Variants in PPIL3 observed in about 807,000 individuals in gnomAD.
PPIL3 encodes peptidyl-prolyl cis-trans isomerase-like 3.
Under a neutral mutation model 20.9 loss-of-function variants are expected in PPIL3, and 13 were observed. That is an observed-to-expected ratio of 0.62 (90% CI 0.40 to 0.99). PPIL3 has a LOEUF of 0.99. Ranked by LOEUF, PPIL3 falls within the 50% of genes least tolerant of loss-of-function variation. The pLI, the probability that PPIL3 is intolerant of heterozygous loss-of-function variation, is 0.00. For synonymous variants in PPIL3, 71 were observed against 64.4 expected (o/e 1.10, Z -0.49); for missense variants, 170 against 195.2 (o/e 0.87, Z 0.77).
At chr2:200,876,630 G>C (rs191508255) in intron 6 of PPIL3, among the ~76,000 whole-genome samples, 2 of 150,394 alleles carry the variant, frequency 1.3e-5, no homozygotes, top group East Asian at 3.9e-4. Flanking sequence ...CAATTCTCCT[G>C]CTTCAGCCTC....
chr2:200,888,342 C>T (rs571355815), intron 1 of PPIL3: 1 of 152,440 alleles, frequency 6.6e-6, no homozygotes, highest in East Asian at 1.9e-4. Flanking sequence ...GACAATCCTA[C>T]ACAGAACTGC....
At chr2:200,877,080 C>T in intron 5 of PPIL3, 43 bp from the exon 6 acceptor site, 1 of 1,275,370 alleles carries the variant, frequency 7.8e-7, no homozygotes, top group Non-Finnish European at 1.1e-6. Context: ...TTTTATATAA[C>T]CATCCCAAAT....
At chr2:200,884,067 A>G (rs527725536) in intron 3 of PPIL3, among the ~76,000 whole-genome samples, 2 of 152,324 alleles carry the variant, frequency 1.3e-5, no homozygotes, top group East Asian at 3.9e-4. Context: ...TAATTGCTGA[A>G]TAAATGAATA....
intron 6 of PPIL3, among the ~76,000 whole-genome samples, chr2:200,875,879 A>C (rs768613749): frequency 6.6e-6 from 1 of 152,186 alleles, no homozygotes; most frequent in Non-Finnish European, 1.5e-5. Context: ...TAATTAAAAA[A>C]GGTGAATCAG....
chr2:200,888,059 A>G (rs1182186978), intron 1 of PPIL3, among the ~76,000 whole-genome samples: 1 of 151,462 alleles, frequency 6.6e-6, no homozygotes, highest in Admixed American at 6.6e-5. Context: ...TCCGTCAAAA[A>G]AAAAAAAAAA....
intron 5 of PPIL3, among the ~76,000 whole-genome samples, chr2:200,879,415 G>A (rs1448081917): frequency 6.6e-6 from 1 of 150,474 alleles, no homozygotes; most frequent in Non-Finnish European, 1.5e-5. Flanking sequence ...CACCGCGCCC[G>A]GCCTATATAA....
At chr2:200,882,283 A>G in intron 4 of PPIL3, 59 bp downstream of exon 4, 1 of 1,091,428 alleles carries the variant, frequency 9.2e-7, no homozygotes, top group Non-Finnish European at 1.4e-6. Flanking sequence ...CTCTTCTTTT[A>G]CCCACTTCTT....
At chr2:200,873,986 A>G (rs1395233092) in intron 6 of PPIL3, among the ~76,000 whole-genome samples, 2 of 151,582 alleles carry the variant, frequency 1.3e-5, no homozygotes, top group Non-Finnish European at 1.5e-5. Context: ...CGGGCGGATC[A>G]CGAGGTCGGG....
intron 1 of PPIL3, chr2:200,888,692 A>G (rs2040071076): frequency 1.3e-5 from 4 of 311,806 alleles, no homozygotes; most frequent in Non-Finnish European, 2.6e-5. Context: ...TGCACGACTA[A>G]TTTTTGTATT....
intron 3 of PPIL3, among the ~76,000 whole-genome samples, chr2:200,882,767 G>T (rs997175204): frequency 6.6e-6 from 1 of 152,072 alleles, no homozygotes. Flanking sequence ...TTAGCTGGGT[G>T]TGGTGGCAGG....
chr2:200,884,187 G>C (rs1191220275), intron 3 of PPIL3, among the ~76,000 whole-genome samples: 1 of 152,152 alleles, frequency 6.6e-6, no homozygotes, highest in African/African-American at 2.4e-5. Flanking sequence ...TGGATCACCT[G>C]AGGTCAGGAG....
intron 5 of PPIL3, among the ~76,000 whole-genome samples, chr2:200,880,702 C>T (rs367890037): frequency 3.3e-5 from 5 of 151,878 alleles, no homozygotes; most frequent in African/African-American, 1.2e-4. Context: ...TGCTCTTTTT[C>T]TAATCATAAA....
chr2:200,888,075 T>G, intron 1 of PPIL3, among the ~76,000 whole-genome samples: 1 of 110,306 alleles, frequency 9.1e-6, no homozygotes, highest in African/African-American at 3.9e-5. Flanking sequence ...AAAAAAAAAA[T>G]CCTCTAATGG....
chr2:200,879,904 G>C (rs1325742711), intron 5 of PPIL3, among the ~76,000 whole-genome samples: 2 of 152,200 alleles, frequency 1.3e-5, no homozygotes, highest in African/African-American at 4.8e-5. Flanking sequence ...TATGGAAGCA[G>C]TCATTAATGT....
At chr2:200,888,868 A>T in intron 1 of PPIL3, 88 bp downstream of exon 1, 1 of 464,084 alleles carries the variant, frequency 2.2e-6, no homozygotes, top group Non-Finnish European at 4.5e-6. Flanking sequence ...GTTCACTCGC[A>T]GTATCCCAAG....
At chr2:200,885,525 C>A in intron 3 of PPIL3, 173 bp downstream of exon 3, 1 of 580,638 alleles carries the variant, frequency 1.7e-6, no homozygotes, top group South Asian at 2.2e-5. Flanking sequence ...TTTGATCCAC[C>A]TTTGACATTG....
At chr2:200,889,274 G>A (rs1022674380), upstream of PPIL3, 4 of 315,146 alleles carry the variant, frequency 1.3e-5, no homozygotes, top group Middle Eastern at 1.2e-3. Context: ...CTTTACACTC[G>A]GCTGCCAAAC....
upstream of PPIL3, chr2:200,889,273 C>T (rs772941477): frequency 3.2e-6 from 1 of 313,354 alleles, no homozygotes; most frequent in African/African-American, 2.2e-5. Flanking sequence ...GCTTTACACT[C>T]GGCTGCCAAA....
In PPIL3 at chr2:200,881,413, G is replaced by C; in HGVS notation, c.240+8C>G. 1.2e-6 allele frequency: 2 copies of C among 1,605,162 alleles called. No homozygotes were observed. The highest frequency in any genetic ancestry group is 1.7e-6 in the Non-Finnish European group (2 of 1,175,222). On this transcript the variant is annotated splice_region_variant and intron_variant, in intron 5 of 6. Transcript: ENST00000392283. ...GAGAAATAGATTTTTAAAGCATTGA[G>C]GATTTACCTTAAGATATTCACTGTA... is the stretch of plus-strand genomic sequence containing the variant.
Sources: allele counts gnomAD v4.1 joint callset (sites outside exome capture counted in the v4.1 genomes callset), GRCh38; gene constraint gnomAD v4.1.1; transcripts MANE v1.5; gene names NCBI Gene and HGNC (gene_info 2026-07-23, HGNC 2026-07-21).